The following PLXNB1 variants were observed in gnomAD, a reference collection of about 807,000 sequenced individuals.
PLXNB1 encodes the protein plexin B1, also known as plexin-B1.
PLXNB1 carries 106 observed loss-of-function variants against 209.4 expected under a neutral mutation model. The ratio of observed to expected loss-of-function variants is 0.51; its 90% CI spans 0.43 to 0.59. The LOEUF is 0.59. Ranked by LOEUF, PLXNB1 falls within the 20% of genes least tolerant of loss-of-function variation. The pLI, the probability that PLXNB1 is intolerant of heterozygous loss-of-function variation, is 0.00. For missense variants in PLXNB1, 2,357 were observed against 2,853.2 expected, an observed-to-expected ratio of 0.83 and a Z score of 3.96; for synonymous variants, 1,167 against 1,183.2, an observed-to-expected ratio of 0.99 and a Z score of 0.28.
At position 48,413,602 on chromosome 3, in the gene PLXNB1, T is replaced by C; in HGVS notation, c.4535+68A>G. On this transcript the variant is annotated intron_variant, in intron 23 of 37. Transcript: ENST00000296440. This position sits in a 1 kb window ranked among gnomAD's most constrained non-coding sequence, Gnocchi z 5.4. ...GAATGTTTCCTGACTCCTGGCCCGG[T>C]CTGTCCCTTCCCAGTCCAGCCAGAT... 1 of 1,487,292 alleles carries C rather than the reference T, an allele frequency of 6.7e-7. No homozygotes were observed. 92.1% of individuals were successfully genotyped at this position (1,487,292 alleles called of 1,614,324 possible).
In PLXNB1 at chr3:48,422,117, A is replaced by C. The variant is rs767398308; in HGVS notation, c.1508T>G (p.Val503Gly). The C allele has an allele frequency of 6.2e-7, 1 of 1,613,884 alleles. No individual in the cohort carries two copies. The highest frequency in any genetic ancestry group is 1.1e-5 in the South Asian group (1 of 91,088). Residue 503 changes from valine (V) to glycine (G), a missense_variant, in exon 6 of 38, where the codon GTG (valine) becomes GGG (glycine). Physicochemically the swap from Val to Gly is moderately radical, Grantham distance 109 (BLOSUM62 -3). Coordinates refer to ENST00000296440, the MANE Select transcript of PLXNB1 (RefSeq NM_001130082.3). ...AHRDPYCGWC[V>G]LLGRCSRRSE... is the part of the protein sequence containing the mutation. Reference sequence around the variant, plus strand: ...TCAGAAATCTGACCTGCCAAGGAGCACGCACCACCCACAGTATGGGTCCCT... The same window carrying C: ...TCAGAAATCTGACCTGCCAAGGAGCCCGCACCACCCACAGTATGGGTCCCT...
chr3:48,419,138 G>C lies in PLXNB1; in HGVS notation c.2833-99C>G. ...ATCCCCCAGCACAGCTTCTGGGTTG[G>C]AGTTGAGCCCTCGGACTCTGCCCTC... On this transcript the variant is annotated intron_variant, in intron 12 of 37. Transcript: ENST00000296440. This position sits in a 1 kb window ranked among gnomAD's most constrained non-coding sequence, Gnocchi z 5.7. 6.4e-7 allele frequency: 1 copy of C among 1,571,504 alleles called. No homozygotes were observed. The highest frequency in any genetic ancestry group is 1.2e-5 in the South Asian group (1 of 85,382).
In PLXNB1 at chr3:48,415,024, A is replaced by G. The variant is rs754946376; in HGVS notation, c.3984T>C (p.His1328=). ...CSSQQFEEPC[H]VNSSQLITCR... ...ACGTGATGAGCTGGGAGGAGTTGAC[A>G]TGGCACGGCTCCTCAAACTGGAAGG... is the stretch of plus-strand genomic sequence containing the variant. Residue 1328 remains histidine (H), a synonymous_variant, in exon 21 of 38, where the codon CAT becomes CAC. Coordinates refer to ENST00000296440, the MANE Select transcript of PLXNB1 (RefSeq NM_001130082.3). This position sits in a 1 kb window ranked among gnomAD's most constrained non-coding sequence, Gnocchi z 5.0. 2.5e-6 allele frequency: 4 copies of G among 1,613,108 alleles called. No homozygotes were observed. In the African/African-American group the frequency reaches 4.0e-5, roughly 16 times the overall value.
In PLXNB1 at chr3:48,411,922, C is replaced by G; in HGVS notation, c.5188G>C (p.Ala1730Pro). The part of the protein sequence containing the change: ...KGPVDSVTGK[A>P]KYTLNDNRLL... ...CGGTTGTCGTTCAAGGTGTATTTGG[C>G]CTTGCCTGTCACACTGTCCACTGGC... Residue 1730 changes from alanine (A) to proline (P), a missense_variant, in exon 28 of 38, where the codon GCC (alanine) becomes CCC (proline). By Grantham distance (27) the Ala-to-Pro change is conservative. This residue lies in a region of PLXNB1 where 65 missense variants were observed against 127.6 expected (regional missense o/e 0.51). Transcript: ENST00000296440. The surrounding 1 kb of genome is among the most constrained non-coding windows in gnomAD (Gnocchi z 4.0). 6.2e-7 allele frequency: 1 copy of G among 1,614,172 alleles called. No homozygotes were observed. Among genetic ancestry groups the G allele is most frequent in the African/African-American group, 1.3e-5 (1 of 75,036 alleles).
chr3:48,418,432 G>A lies in PLXNB1; in HGVS notation c.3049+17C>T, dbSNP rs1197645489. 1 of 1,613,054 alleles carries A rather than the reference G, an allele frequency of 6.2e-7. No homozygotes were observed. The highest frequency in any genetic ancestry group is 2.2e-5 in the East Asian group (1 of 44,874). On this transcript the variant is annotated intron_variant, in intron 14 of 37. Coordinates refer to ENST00000296440, the MANE Select transcript of PLXNB1 (RefSeq NM_001130082.3). The surrounding 1 kb of genome is among the most constrained non-coding windows in gnomAD (Gnocchi z 6.6). Reference sequence around the variant, plus strand: ...CCCTGCTACCACCGCCAGCCCAGCAGCCCGCAGGTGGCTCACCATGCAGCC... The same window carrying A: ...CCCTGCTACCACCGCCAGCCCAGCAACCCGCAGGTGGCTCACCATGCAGCC...
At position 48,410,859 on chromosome 3, in the gene PLXNB1, C is replaced by A. The variant is rs768145725; in HGVS notation, c.5416+9G>T. 4 of 1,604,744 alleles carry A rather than the reference C, an allele frequency of 2.5e-6. No homozygotes were observed. Among genetic ancestry groups the A allele is most frequent in the Admixed American group, 3.4e-5 (2 of 58,924 alleles). On this transcript the variant is annotated intron_variant, in intron 29 of 37. Coordinates refer to ENST00000296440, the MANE Select transcript of PLXNB1 (RefSeq NM_001130082.3). The surrounding 1 kb of genome is among the most constrained non-coding windows in gnomAD (Gnocchi z 6.4). Reference sequence around the variant, plus strand: ...GGCTCAGGTCCCCAGGGGCTCTCCACGCCCTCACCAACATCAAGGGTGCGA... The same window carrying A: ...GGCTCAGGTCCCCAGGGGCTCTCCAAGCCCTCACCAACATCAAGGGTGCGA...
In PLXNB1 at chr3:48,418,404, G is replaced by A. The variant is rs9843091; in HGVS notation, c.3050-41C>T. Reference sequence around the variant, plus strand: ...ACACACGTGAGAGGCAGGCCTGGGAGAGCCCTGCTACCACCGCCAGCCCAG... The same window carrying A: ...ACACACGTGAGAGGCAGGCCTGGGAAAGCCCTGCTACCACCGCCAGCCCAG... On this transcript the variant is annotated intron_variant, in intron 14 of 37. Coordinates refer to ENST00000296440, the MANE Select transcript of PLXNB1 (RefSeq NM_001130082.3). The surrounding 1 kb of genome is among the most constrained non-coding windows in gnomAD (Gnocchi z 6.6). 7,196 of 1,612,850 alleles carry A rather than the reference G, an allele frequency of 4.5e-3. 239 individuals are homozygous for A. The African/African-American group carries it at 0.075, about 17-fold the overall frequency.
rs1357708417 is a variant in PLXNB1, at chr3:48,409,410, A to G, written c.6006T>C (p.Ser2002=). The G allele has an allele frequency of 6.2e-7, 1 of 1,614,054 alleles. No homozygotes were observed. Among genetic ancestry groups the G allele is most frequent in the Non-Finnish European group, 8.5e-7 (1 of 1,180,038 alleles). The change falls in exon 34 of 38, where the codon TCT becomes TCC. Residue 2002 remains serine, a synonymous_variant. Coordinates refer to ENST00000296440, the MANE Select transcript of PLXNB1 (RefSeq NM_001130082.3). This position sits in a 1 kb window ranked among gnomAD's most constrained non-coding sequence, Gnocchi z 5.8. ...CAAGGAGCACCGCATCCATGTTATC[A>G]GATGTTTGCACGTCGAACACAAACT... is the stretch of plus-strand genomic sequence containing the variant. ...NPQFVFDVQT[S]DNMDAVLLVI...
At position 48,411,760 on chromosome 3, in the gene PLXNB1, G is replaced by A; in HGVS notation, c.5247+103C>T. The A allele has an allele frequency of 7.5e-7, 1 of 1,332,404 alleles. No homozygotes were observed. The highest frequency in any genetic ancestry group is 1.0e-6 in the Non-Finnish European group (1 of 953,356). 82.5% of individuals were successfully genotyped at this position (1,332,404 alleles called of 1,614,324 possible). On this transcript the variant is annotated intron_variant, in intron 28 of 37. Coordinates refer to ENST00000296440, the MANE Select transcript of PLXNB1 (RefSeq NM_001130082.3). This position sits in a 1 kb window ranked among gnomAD's most constrained non-coding sequence, Gnocchi z 4.0. ...GAGGTCAACCCAGCTCTACATCCAG[G>A]TACCACATCAGAAGCTGGTGTCCAG...
At chr3:48,407,681 C>G (rs77641582) in intron 34 of PLXNB1, among the ~76,000 whole-genome samples, 4 of 152,212 alleles carry the variant, frequency 2.6e-5, no homozygotes, top group African/African-American at 9.7e-5. Context: ...GGCACTGTCC[C>G]CCATGAGCAG....
intron 6 of PLXNB1, 77 bp downstream of exon 6, chr3:48,422,028 A>G (rs78970339): frequency 0.017 from 24,546 of 1,403,190 alleles, 272 homozygotes; most frequent in Non-Finnish European, 0.02. Flanking sequence ...TCTAAGGGTC[A>G]GGAATTCTGG....
rs2038453802 is a variant in PLXNB1 at position 48,420,712 on chromosome 3, T to G, written c.1981A>C (p.Thr661Pro). 1 of 1,613,916 alleles carries G rather than the reference T, an allele frequency of 6.2e-7. No individual in the cohort carries two copies. Among genetic ancestry groups the G allele is most frequent in the East Asian group, 2.2e-5 (1 of 44,888 alleles). ...CNWCVWQHLC[T>P]HKASCDAGPM... ...CCAGCATCACACGAGGCCTTGTGGG[T>G]GCACAGGTGCTGCCAGACACACCAG... is the stretch of plus-strand genomic sequence containing the variant. The change falls in exon 10 of 38, where the codon ACC (threonine) becomes CCC (proline). Residue 661 changes from threonine to proline, a missense_variant. Thr to Pro is a conservative substitution (Grantham distance 38). This residue lies in a region of PLXNB1 where 214 missense variants were observed against 297.1 expected (regional missense o/e 0.72). Transcript: ENST00000296440.
Position 48,417,824 on chromosome 3 carries a change from G to A in PLXNB1, c.3374+87C>T. 1 of 1,365,500 alleles carries A rather than the reference G, an allele frequency of 7.3e-7. No homozygotes were observed. The highest frequency in any genetic ancestry group is 1.3e-5 in the South Asian group (1 of 76,732). The allele number at this position is 1,365,500 out of a possible 1,614,324, so 84.6% of individuals were successfully genotyped here. ...GGAACAGGGAGAGAGGGGGGCAGAT[G>A]AGCGGTGGGTGGGAGGCCCCAAGCA... is the stretch of plus-strand genomic sequence containing the variant. On this transcript the variant is annotated intron_variant, in intron 16 of 37. Coordinates refer to ENST00000296440, the MANE Select transcript of PLXNB1 (RefSeq NM_001130082.3). The surrounding 1 kb of genome is among the most constrained non-coding windows in gnomAD (Gnocchi z 4.4).
rs745424398 is a variant in PLXNB1 at position 48,419,298 on chromosome 3, C to G, written c.2778G>C (p.Pro926=). The G allele has an allele frequency of 1.9e-6, 3 of 1,598,678 alleles. No individual in the cohort carries two copies. Among genetic ancestry groups the G allele is most frequent in the Admixed American group, 3.4e-5 (2 of 58,844 alleles). Residue 926 remains proline (P), a synonymous_variant, in exon 12 of 38, where the codon CCG becomes CCC. Transcript: ENST00000296440. The surrounding 1 kb of genome is among the most constrained non-coding windows in gnomAD (Gnocchi z 5.7). The stretch of plus-strand genomic sequence containing the variant: ...GCCGGATTTCCCGCTCCACATGGAC[C>G]GGCATCAACGTGGAGCCCTGAACGC... The part of the protein sequence containing the change: ...VESVQGSTLM[P]VHVEREIRLL...
rs545984419 is a variant in PLXNB1 at position 48,414,455 on chromosome 3, C to T, written c.4209+344G>A. Among the ~76,000 whole-genome samples, 12 of 152,288 alleles carry T rather than the reference C, an allele frequency of 7.9e-5. No individual in the cohort carries two copies. The South Asian group carries it at 1.5e-3, about 18-fold the overall frequency. On this transcript the variant is annotated intron_variant, in intron 21 of 37. Coordinates refer to ENST00000296440, the MANE Select transcript of PLXNB1 (RefSeq NM_001130082.3). Reference sequence around the variant, plus strand: ...GTGTATGTCCAAGACACATGCCTAGCGCATGTCCATGTGAGCCAGGCTGCC... The same window carrying T: ...GTGTATGTCCAAGACACATGCCTAGTGCATGTCCATGTGAGCCAGGCTGCC...
rs372738443 is a variant in PLXNB1 at position 48,409,988 on chromosome 3, G to A, written c.5695C>T (p.Arg1899Trp). The A allele has an allele frequency of 5.0e-6, 8 of 1,612,664 alleles. No homozygotes were observed. The highest frequency in any genetic ancestry group is 2.2e-5 in the South Asian group (2 of 91,020). Residue 1899 changes from arginine (R) to tryptophan (W), a missense_variant, in exon 32 of 38, where the codon CGG (arginine) becomes TGG (tryptophan). Physicochemically the swap from Arg to Trp is moderately radical, Grantham distance 101. This residue lies in a region of PLXNB1 where 414 missense variants were observed against 520.5 expected (regional missense o/e 0.80). Transcript: ENST00000296440. The surrounding 1 kb of genome is among the most constrained non-coding windows in gnomAD (Gnocchi z 5.8). ...PSDEPEPPRPRRGSLRGGERE... is the reference protein window; with the variant it reads ...PSDEPEPPRPWRGSLRGGERE... Reference sequence around the variant, plus strand: ...TCCCCGCCCCGAAGGCTGCCCCTCCGAGGCCTGGGCGGCTCCGGCTCATCA... The same window carrying A: ...TCCCCGCCCCGAAGGCTGCCCCTCCAAGGCCTGGGCGGCTCCGGCTCATCA...
chr3:48,406,844 A>C lies in PLXNB1; in HGVS notation c.6207T>G (p.Ser2069=). ...TTACCCAGGACAGTTCAGCCAGGAC[A>C]GAGTTCATCTCTTGGTCGCTGGCTG... The part of the protein sequence containing the change: ...TVPASDQEMN[S]VLAELSWNYS... The change falls in exon 36 of 38, where the codon TCT becomes TCG. Residue 2069 remains serine (S), a synonymous_variant. Transcript: ENST00000296440. This position sits in a 1 kb window ranked among gnomAD's most constrained non-coding sequence, Gnocchi z 4.4. The C allele has an allele frequency of 6.2e-7, 1 of 1,612,146 alleles. No homozygotes were observed. The highest frequency in any genetic ancestry group is 8.5e-7 in the Non-Finnish European group (1 of 1,179,104).
At chr3:48,407,692 G>A (rs944732514) in intron 34 of PLXNB1, among the ~76,000 whole-genome samples, 20 of 152,330 alleles carry the variant, frequency 1.3e-4, no homozygotes, top group African/African-American at 4.6e-4. Flanking sequence ...CCATGAGCAG[G>A]GATCCAAGGC....
rs1225372280 is a variant in PLXNB1 at position 48,419,589 on chromosome 3, C to T, written c.2697G>A (p.Gly899=). 1 of 1,607,678 alleles carries T rather than the reference C, an allele frequency of 6.2e-7. No homozygotes were observed. Residue 899 remains glycine, a synonymous_variant, in exon 11 of 38, where the codon GGG becomes GGA. Coordinates refer to ENST00000296440, the MANE Select transcript of PLXNB1 (RefSeq NM_001130082.3). The surrounding 1 kb of genome is among the most constrained non-coding windows in gnomAD (Gnocchi z 5.7). ...GGCTGGGCCTCACCAGCTCCCAGAG[C>T]CCGGGGGTGTCATACTGGTAGTCGA... ...SSLDYQYDTP[G]LWELEEATLG...
Sources: allele counts gnomAD v4.1 joint callset (sites outside exome capture counted in the v4.1 genomes callset), GRCh38; gene constraint gnomAD v4.1.1; regional missense constraint gnomAD v4.1.1; non-coding constraint Gnocchi (gnomAD v3.1); transcripts MANE v1.5; gene names NCBI Gene and HGNC (gene_info 2026-07-23, HGNC 2026-07-21).